The following USP30 variants were observed in gnomAD, a reference collection of about 807,000 sequenced individuals.
The protein encoded by USP30 is ubiquitin carboxyl-terminal hydrolase 30.
In USP30, 41 loss-of-function variants were observed where a neutral mutation model predicts 68.2. The observed-to-expected ratio is 0.60, with a 90% CI of 0.47 to 0.78. The LOEUF (loss-of-function observed/expected upper bound fraction) is 0.78. Ranked by LOEUF, USP30 falls within the 30% of genes least tolerant of loss-of-function variation. The pLI, the probability that USP30 is intolerant of heterozygous loss-of-function variation, is 0.00. For synonymous variants in USP30, 229 were observed against 253.7 expected, an observed-to-expected ratio of 0.90 and a Z score of 0.93; for missense variants, 522 against 649.4, an observed-to-expected ratio of 0.80 and a Z score of 2.13.
chr12:109,071,925 A>G (rs571944624), intron 5 of USP30, among the ~76,000 whole-genome samples: 1 of 152,252 alleles, frequency 6.6e-6, no homozygotes, highest in Non-Finnish European at 1.5e-5. Context: ...CATTGCTGCA[A>G]TTTGTGTTGG....
chr12:109,059,161 G>A (rs990809319), intron 3 of USP30, among the ~76,000 whole-genome samples: 4 of 152,134 alleles, frequency 2.6e-5, no homozygotes, highest in Admixed American at 1.3e-4. Flanking sequence ...CACTGGCTTG[G>A]TAAAGGTTTT....
chr12:109,074,697 A>T (rs1172307857), intron 7 of USP30, among the ~76,000 whole-genome samples: 1 of 152,188 alleles, frequency 6.6e-6, no homozygotes, highest in Non-Finnish European at 1.5e-5. Flanking sequence ...TGAAGATTTG[A>T]TGTATGACTG....
rs2041829563 is a variant in USP30 at position 109,082,392 on chromosome 12, T to A, written c.868-271T>A. Reference sequence around the variant, plus strand: ...CAAGAGGAACTGTATGGAACAGAATTTTTGAAGACAGAGAACAATTAATAG... The same window carrying A: ...CAAGAGGAACTGTATGGAACAGAATATTTGAAGACAGAGAACAATTAATAG... On this transcript the variant is annotated intron_variant, in intron 9 of 12. Coordinates refer to ENST00000257548, the MANE Select transcript of USP30 (RefSeq NM_032663.5). 3 of 540,844 alleles carry A rather than the reference T, an allele frequency of 5.5e-6. No individual in the cohort carries two copies. In the East Asian group the frequency reaches 9.2e-5, roughly 17 times the overall value. 33.5% of individuals were successfully genotyped at this position (540,844 alleles called of 1,614,324 possible). A position where few individuals can be genotyped will look rare whatever the true frequency, so the allele number is the denominator to read the frequency against.
intron 3 of USP30, among the ~76,000 whole-genome samples, chr12:109,032,824 T>C (rs887514091): frequency 1.3e-5 from 2 of 152,214 alleles, no homozygotes; most frequent in East Asian, 3.8e-4. Flanking sequence ...ACATTATCCA[T>C]CTGTCTAGGA....
Position 109,085,758 on chromosome 12 carries a change from C to T in USP30, c.1381C>T (p.Pro461Ser). ...CTTTGTCACTTACCGACGGTCCCCACCTTCTGCCAGGAACCCTCTCTCAAC... is the reference window on the plus strand; with the variant it reads ...CTTTGTCACTTACCGACGGTCCCCATCTTCTGCCAGGAACCCTCTCTCAAC... ...GHFVTYRRSP[P>S]SARNPLSTSN... Residue 461 changes from proline (P) to serine (S), a missense_variant, in exon 13 of 13, where the codon CCT (proline) becomes TCT (serine). Coordinates refer to ENST00000257548, the MANE Select transcript of USP30 (RefSeq NM_032663.5). 2 of 1,614,266 alleles carry T rather than the reference C, an allele frequency of 1.2e-6. No homozygotes were observed. Among genetic ancestry groups the T allele is most frequent in the Non-Finnish European group, 1.7e-6 (2 of 1,180,048 alleles).
At chr12:109,073,618 A>G in intron 7 of USP30, 86 bp downstream of exon 7, 2 of 1,191,840 alleles carry the variant, frequency 1.7e-6, no homozygotes, top group Non-Finnish European at 2.5e-6. Flanking sequence ...GTGGGCTGAC[A>G]TCGGTCACTG....
At chr12:109,072,890 A>C (rs923353584) in intron 6 of USP30, among the ~76,000 whole-genome samples, 1 of 152,172 alleles carries the variant, frequency 6.6e-6, no homozygotes, top group African/African-American at 2.4e-5. Context: ...AACTATCCCA[A>C]TTTTCCGCAC....
At chr12:109,068,592 C>T (rs2041334192) in intron 4 of USP30, among the ~76,000 whole-genome samples, 3 of 152,264 alleles carry the variant, frequency 2.0e-5, no homozygotes, top group Non-Finnish European at 1.5e-5. Flanking sequence ...TAAAATCCTC[C>T]TCTGGTAACT....
rs2041412980 is a variant in USP30, at chr12:109,070,734, T to G, written c.481-878T>G. ...TTTTTGGGGAGAGAGCCATTTGAGT[T>G]GATCCTTCAAGAGTAGTCCCATGCC... On this transcript the variant is annotated intron_variant, in intron 4 of 12. Coordinates refer to ENST00000257548, the MANE Select transcript of USP30 (RefSeq NM_032663.5). The surrounding 1 kb of genome is among the most constrained non-coding windows in gnomAD (Gnocchi z 4.0). Among the ~76,000 whole-genome samples the G allele has an allele frequency of 6.6e-6, 1 of 152,116 alleles. No homozygotes were observed. Among genetic ancestry groups the G allele is most frequent in the African/African-American group, 2.4e-5 (1 of 41,422 alleles).
chr12:109,039,069 G>A (rs1156887749), intron 3 of USP30, among the ~76,000 whole-genome samples: 1 of 152,016 alleles, frequency 6.6e-6, no homozygotes. Context: ...TCTTAACAGT[G>A]TTTTTTGAAA....
intron 3 of USP30, among the ~76,000 whole-genome samples, chr12:109,045,855 G>C (rs991029343): frequency 2.6e-5 from 4 of 151,154 alleles, no homozygotes; most frequent in African/African-American, 9.9e-5. Context: ...AGATCATATA[G>C]ATACAGACAT....
rs929238626 is a variant in USP30, at chr12:109,070,839, G to A, written c.481-773G>A. On this transcript the variant is annotated intron_variant, in intron 4 of 12. Coordinates refer to ENST00000257548, the MANE Select transcript of USP30 (RefSeq NM_032663.5). This position sits in a 1 kb window ranked among gnomAD's most constrained non-coding sequence, Gnocchi z 4.0. ...ACTCAGTAGGGTATTTGTATACTCA[G>A]GTTAATAGCAGCATGTTCGCAATAG... Among the ~76,000 whole-genome samples, 1 of 152,188 alleles carries A rather than the reference G, an allele frequency of 6.6e-6. No individual in the cohort carries two copies. Among genetic ancestry groups the A allele is most frequent in the African/African-American group, 2.4e-5 (1 of 41,436 alleles).
intron 3 of USP30, chr12:109,047,456 C>G (rs1343138319): frequency 2.0e-5 from 3 of 151,958 alleles, no homozygotes; most frequent in African/African-American, 7.3e-5. Context: ...GTTTTGGCCC[C>G]CAAAACAACC....
chr12:109,072,396 A>T, intron 6 of USP30, 46 bp downstream of exon 6: 1 of 1,568,188 alleles, frequency 6.4e-7, no homozygotes. Flanking sequence ...GTGGACTTTT[A>T]AGATATGATA....
chr12:109,082,301 A>G lies in USP30; in HGVS notation c.867+282A>G, dbSNP rs540525813. On this transcript the variant is annotated intron_variant, in intron 9 of 12. Transcript: ENST00000257548. ...TTGCCTCCAATCCCATTTGTTTTACACCCTTCCTTTTAACCTGTGCTACCT... is the reference window on the plus strand; with the variant it reads ...TTGCCTCCAATCCCATTTGTTTTACGCCCTTCCTTTTAACCTGTGCTACCT... Among the ~76,000 whole-genome samples, 197 of 152,250 alleles carry G rather than the reference A, an allele frequency of 1.3e-3. 3 individuals are homozygous for G. The South Asian group carries it at 0.023, about 17-fold the overall frequency.
At chr12:109,043,516 G>C (rs767856521) in intron 3 of USP30, among the ~76,000 whole-genome samples, 7 of 152,150 alleles carry the variant, frequency 4.6e-5, no homozygotes, top group Non-Finnish European at 1.0e-4. Context: ...GGGAAAACTG[G>C]ATATCTATGT....
chr12:109,031,177 AT>A (rs2040478151), intron 3 of USP30, among the ~76,000 whole-genome samples: 1 of 152,204 alleles, frequency 6.6e-6, no homozygotes, highest in Non-Finnish European at 1.5e-5. Context: ...TCTATTTAAA[AT>A]TTTAATTTAT....
At chr12:109,030,930 C>T (rs184633013) in intron 3 of USP30, among the ~76,000 whole-genome samples, 1 of 152,070 alleles carries the variant, frequency 6.6e-6, no homozygotes, top group African/African-American at 2.4e-5. Context: ...GATTCTTTTA[C>T]AATGTACACA....
At chr12:109,072,031 A>G (rs886091384) in intron 5 of USP30, among the ~76,000 whole-genome samples, 1 of 152,218 alleles carries the variant, frequency 6.6e-6, no homozygotes, top group Admixed American at 6.5e-5. Flanking sequence ...CTGTAACAGT[A>G]TAAATATCGG....
Sources: gnomAD v4.1 joint callset for allele counts (sites outside exome capture counted in the v4.1 genomes callset) on GRCh38, gnomAD v4.1.1 for gene constraint, Gnocchi (gnomAD v3.1) non-coding constraint, MANE v1.5 for transcripts, NCBI Gene and HGNC (gene_info 2026-07-23, HGNC 2026-07-21) for gene names.